Variants in IQCJ observed in about 807,000 individuals in gnomAD.
IQCJ encodes the protein IQ domain-containing protein J.
In IQCJ, 9 loss-of-function variants were observed where a neutral mutation model predicts 11.0. The observed-to-expected ratio is 0.82, with a 90% CI of 0.49 to 1.43. IQCJ has a LOEUF of 1.43. Among genes scored for constraint, IQCJ ranks in the 40% most tolerant of loss-of-function variants. The pLI is 0.00. For synonymous variants in IQCJ, 55 were observed against 51.3 expected (o/e 1.07, Z -0.31); for missense variants, 146 against 133.2 (o/e 1.10, Z -0.47).
At position 159,252,746 on chromosome 3, in the gene IQCJ, G is replaced by C. The variant is rs781023237; in HGVS notation, c.94G>C (p.Ala32Pro). Residue 32 changes from alanine (A) to proline (P), a missense_variant, in exon 3 of 4, where the codon GCA (alanine) becomes CCA (proline). By Grantham distance (27) the Ala-to-Pro change is conservative (BLOSUM62 -1). Transcript: ENST00000397832. ...TTCTAGTCACCAGCTGGCCATGGAT[G>C]CAGAGAATAATATTGAAAAGTATCC... ...SFENHQLAMD[A>P]ENNIEKYPLN... The C allele has an allele frequency of 7.4e-6, 12 of 1,611,950 alleles. No homozygotes were observed. Among genetic ancestry groups the C allele is most frequent in the Admixed American group, 1.7e-5 (1 of 59,782 alleles).
chr3:159,203,037 C>T (rs975894723), intron 1 of IQCJ, among the ~76,000 whole-genome samples: 2 of 151,796 alleles, frequency 1.3e-5, no homozygotes, highest in African/African-American at 2.4e-5. Context: ...TTGACCCATA[C>T]CTGATAACTG....
At chr3:159,078,265 A>G (rs544421392) in intron 1 of IQCJ, among the ~76,000 whole-genome samples, 1 of 152,094 alleles carries the variant, frequency 6.6e-6, no homozygotes, top group Admixed American at 6.5e-5. Flanking sequence ...AAAACCCCTC[A>G]CTCGGTCTTT....
chr3:159,153,808 A>G (rs1721360958), intron 1 of IQCJ, among the ~76,000 whole-genome samples: 1 of 152,178 alleles, frequency 6.6e-6, no homozygotes, highest in South Asian at 2.1e-4. Context: ...GGCTGAGTAT[A>G]CCTGTTTTGC....
chr3:159,215,291 A>G (rs2108102482), intron 1 of IQCJ, among the ~76,000 whole-genome samples: 1 of 152,276 alleles, frequency 6.6e-6, no homozygotes, highest in East Asian at 1.9e-4. Flanking sequence ...TTTCCTCTTC[A>G]GAGACAGGGA....
chr3:159,114,759 A>G (rs779713549), intron 1 of IQCJ, among the ~76,000 whole-genome samples: 42 of 152,176 alleles, frequency 2.8e-4, no homozygotes, highest in Non-Finnish European at 5.0e-4. Context: ...TGAGACTTCA[A>G]AGCTGCTCCT....
intron 1 of IQCJ, among the ~76,000 whole-genome samples, chr3:159,183,972 G>T (rs1429263600): frequency 6.6e-6 from 1 of 150,812 alleles, no homozygotes; most frequent in East Asian, 1.9e-4. Context: ...CTTTTCTCTT[G>T]CCTCTCTACA....
Position 159,245,714 on chromosome 3 carries a change from G to A in IQCJ, c.10-129G>A, listed in dbSNP as rs34415272. The A allele has an allele frequency of 5.2e-3, 3,405 of 655,122 alleles. 90 individuals carry two copies. In the African/African-American group the frequency reaches 0.056, roughly 11 times the overall value. The allele number at this position is 655,122 out of a possible 1,614,324, so 40.6% of individuals were successfully genotyped here. On this transcript the variant is annotated intron_variant, in intron 1 of 3. Transcript: ENST00000397832. Reference sequence around the variant, plus strand: ...CCTGACCTCGTGATCCACCCGCCTCGGCCTCCCAAAGTGCAGTCCAGAACT... The same window carrying A: ...CCTGACCTCGTGATCCACCCGCCTCAGCCTCCCAAAGTGCAGTCCAGAACT...
intron 1 of IQCJ, among the ~76,000 whole-genome samples, chr3:159,101,878 C>G (rs1412878636): frequency 6.6e-6 from 1 of 152,204 alleles, no homozygotes; most frequent in African/African-American, 2.4e-5. Flanking sequence ...AAAAACATTT[C>G]TATCCAATCT....
At chr3:159,150,911 T>C (rs1721176893) in intron 1 of IQCJ, among the ~76,000 whole-genome samples, 1 of 152,200 alleles carries the variant, frequency 6.6e-6, no homozygotes, top group Non-Finnish European at 1.5e-5. Flanking sequence ...CCTGGTGCTT[T>C]GATTTTCCAT....
Position 159,262,815 on chromosome 3 carries a change from C to T in IQCJ, c.*84C>T. The T allele has an allele frequency of 6.7e-7, 1 of 1,503,112 alleles. No individual in the cohort carries two copies. The highest frequency in any genetic ancestry group is 1.4e-5 in the South Asian group (1 of 70,964). 93.1% of individuals were successfully genotyped at this position (1,503,112 alleles called of 1,614,324 possible). Reference sequence around the variant, plus strand: ...AGTGAAGATCTATGTAGCTTATTTGCTACCCAGGAACCCATGGTGAGAGTT... The same window carrying T: ...AGTGAAGATCTATGTAGCTTATTTGTTACCCAGGAACCCATGGTGAGAGTT... On this transcript the variant is annotated 3_prime_UTR_variant, in exon 4 of 4. Coordinates refer to ENST00000397832, the MANE Select transcript of IQCJ (RefSeq NM_001042706.3).
intron 1 of IQCJ, among the ~76,000 whole-genome samples, chr3:159,238,055 C>T (rs1726694100): frequency 6.6e-6 from 1 of 151,746 alleles, no homozygotes; most frequent in Non-Finnish European, 1.5e-5. Context: ...CTGGGGTTAT[C>T]AATAGTTGAA....
intron 1 of IQCJ, among the ~76,000 whole-genome samples, chr3:159,094,044 G>T (rs1467315074): frequency 6.6e-6 from 1 of 151,802 alleles, no homozygotes; most frequent in Non-Finnish European, 1.5e-5. Context: ...GTTAGTGATA[G>T]GAACAGGGTT....
chr3:159,082,161 G>A (rs1332632819), intron 1 of IQCJ, among the ~76,000 whole-genome samples: 1 of 152,030 alleles, frequency 6.6e-6, no homozygotes, highest in Non-Finnish European at 1.5e-5. Context: ...ACACAACCTG[G>A]TAGAGAAGAA....
chr3:159,127,532 T>C (rs1232211965), intron 1 of IQCJ, among the ~76,000 whole-genome samples: 1 of 152,200 alleles, frequency 6.6e-6, no homozygotes, highest in Non-Finnish European at 1.5e-5. Flanking sequence ...AAGCATCTAT[T>C]TGTGTTTCAA....
chr3:159,191,358 A>T (rs756389958), intron 1 of IQCJ, among the ~76,000 whole-genome samples: 1 of 152,226 alleles, frequency 6.6e-6, no homozygotes, highest in South Asian at 2.1e-4. Flanking sequence ...TGGTTTACAG[A>T]CTGAGGACCT....
chr3:159,263,489 A>G lies in IQCJ; in HGVS notation c.*758A>G, dbSNP rs1417684400. The G allele has an allele frequency of 1.0e-6, 1 of 984,400 alleles. No homozygotes were observed. Among genetic ancestry groups the G allele is most frequent in the Non-Finnish European group, 1.2e-6 (1 of 829,000 alleles). 61.0% of individuals were successfully genotyped at this position (984,400 alleles called of 1,614,324 possible). ...AGTGGGAAGAAATCAGTGATGAGGG[A>G]TTTATGAACCAGGATTTTGTGGATT... On this transcript the variant is annotated 3_prime_UTR_variant, in exon 4 of 4. Coordinates refer to ENST00000397832, the MANE Select transcript of IQCJ (RefSeq NM_001042706.3).
chr3:159,237,589 A>G (rs1726669293), intron 1 of IQCJ, among the ~76,000 whole-genome samples: 1 of 152,248 alleles, frequency 6.6e-6, no homozygotes. Context: ...TGCCACTCAT[A>G]ACACAGACTT....
intron 1 of IQCJ, among the ~76,000 whole-genome samples, chr3:159,192,059 G>T (rs566428133): frequency 1.3e-5 from 2 of 152,270 alleles, no homozygotes; most frequent in South Asian, 4.1e-4. Flanking sequence ...ATAAGTTCAA[G>T]AGGTGAGAGC....
intron 1 of IQCJ, among the ~76,000 whole-genome samples, chr3:159,119,723 G>A (rs1719242229): frequency 6.6e-6 from 1 of 152,122 alleles, no homozygotes; most frequent in Non-Finnish European, 1.5e-5. Flanking sequence ...AATAAGCAAT[G>A]TATCTCCTTT....
Sources: allele counts gnomAD v4.1 joint callset (sites outside exome capture counted in the v4.1 genomes callset), GRCh38; gene constraint gnomAD v4.1.1; transcripts MANE v1.5; gene names NCBI Gene and HGNC (gene_info 2026-07-23, HGNC 2026-07-21).